DGKB: variants seen among roughly 807,000 people sequenced by gnomAD.
DGKB encodes diacylglycerol kinase beta.
In DGKB, 67 loss-of-function variants were observed where a neutral mutation model predicts 114.3. That is an observed-to-expected ratio of 0.59 (90% CI 0.48 to 0.72). The LOEUF (loss-of-function observed/expected upper bound fraction) is 0.72. DGKB is among the 30% of genes least tolerant of loss of function. DGKB has a pLI of 0.00. For synonymous variants in DGKB, 398 were observed against 323.1 expected (o/e 1.23, Z -2.49); for missense variants, 907 against 975.2 (o/e 0.93, Z 0.93).
intron 5 of DGKB, among the ~76,000 whole-genome samples, chr7:14,735,816 T>C (rs10253369): frequency 0.089 from 13,612 of 152,246 alleles, 786 homozygotes; most frequent in East Asian, 0.24. Flanking sequence ...TACCTATACA[T>C]AGAATTCTAA....
intron 23 of DGKB, among the ~76,000 whole-genome samples, chr7:14,215,481 G>T (rs2128314071): frequency 6.6e-6 from 1 of 152,184 alleles, no homozygotes. Flanking sequence ...TCATGTAGAT[G>T]TATTCCAAAT....
At chr7:14,302,067 G>A (rs1262589871) in intron 23 of DGKB, among the ~76,000 whole-genome samples, 1 of 151,968 alleles carries the variant, frequency 6.6e-6, no homozygotes, top group African/African-American at 2.4e-5. Flanking sequence ...CAAAGCCAAA[G>A]CCAACAAAAA....
At chr7:14,937,238 G>T (rs2128253085) in intron 1 of DGKB, among the ~76,000 whole-genome samples, 1 of 151,738 alleles carries the variant, frequency 6.6e-6, no homozygotes, top group South Asian at 2.1e-4. Flanking sequence ...TCTAAATATA[G>T]GTTGGTTTTT....
At chr7:14,847,954 T>C (rs1848861777) in intron 1 of DGKB, among the ~76,000 whole-genome samples, 1 of 152,184 alleles carries the variant, frequency 6.6e-6, no homozygotes, top group Admixed American at 6.5e-5. Flanking sequence ...ATGATTAGAC[T>C]GGAAAAATTA....
In DGKB at chr7:14,891,401, AG is replaced by A. The variant is rs1307633046; in HGVS notation, c.-188+11190del. 2.0e-5 allele frequency among the ~76,000 whole-genome samples: 3 copies of A among 151,564 alleles called. No homozygotes were observed. The East Asian group carries it at 5.8e-4, about 29-fold the overall frequency. On this transcript the variant is annotated intron_variant, in intron 1 of 25. Coordinates refer to ENST00000402815, the MANE Select transcript of DGKB (RefSeq NM_001350709.2). ...GCTTTTTAGGTACCTGTTTTATGCC[AG>A]GCAATGTTCAAACCACTGGAAAAAA...
chr7:14,270,774 G>C (rs532566801), intron 23 of DGKB, among the ~76,000 whole-genome samples: 1 of 152,180 alleles, frequency 6.6e-6, no homozygotes, highest in Admixed American at 6.5e-5. Context: ...CCCTGTGCTG[G>C]AATTTGCGGG....
intron 25 of DGKB, chr7:14,176,613 A>T: frequency 7.9e-7 from 1 of 1,259,902 alleles, no homozygotes; most frequent in Non-Finnish European, 1.0e-6. Context: ...AGATCTATTT[A>T]TACTTAGGCT....
chr7:14,844,955 A>C (rs1468044588), intron 1 of DGKB, among the ~76,000 whole-genome samples: 1 of 151,648 alleles, frequency 6.6e-6, no homozygotes, highest in African/African-American at 2.4e-5. Context: ...AAAAATACAA[A>C]AATTAGCTGG....
At chr7:14,302,645 T>C (rs1803755146) in intron 23 of DGKB, among the ~76,000 whole-genome samples, 1 of 152,098 alleles carries the variant, frequency 6.6e-6, no homozygotes, top group African/African-American at 2.4e-5. Flanking sequence ...TTTATTGACT[T>C]GATCCATAAT....
At chr7:14,908,460 G>C (rs1783823709) in intron 1 of DGKB, among the ~76,000 whole-genome samples, 1 of 152,102 alleles carries the variant, frequency 6.6e-6, no homozygotes, top group Non-Finnish European at 1.5e-5. Context: ...TGTCAGTTTT[G>C]AAAGAGAACA....
chr7:14,453,055 T>G (rs1831760428), intron 21 of DGKB, among the ~76,000 whole-genome samples: 1 of 152,198 alleles, frequency 6.6e-6, no homozygotes, highest in Non-Finnish European at 1.5e-5. Flanking sequence ...AGCAATGGCT[T>G]ACACATATAG....
At chr7:14,870,638 A>G (rs996908619) in intron 1 of DGKB, among the ~76,000 whole-genome samples, 1 of 152,098 alleles carries the variant, frequency 6.6e-6, no homozygotes, top group Non-Finnish European at 1.5e-5. Context: ...TCTACTAAAA[A>G]TACAAAAACA....
intron 3 of DGKB, among the ~76,000 whole-genome samples, chr7:14,755,752 T>C (rs963957641): frequency 1.3e-5 from 2 of 152,104 alleles, no homozygotes; most frequent in African/African-American, 4.8e-5. Flanking sequence ...AGAAGATACA[T>C]ACTAGTTTTT....
intron 20 of DGKB, among the ~76,000 whole-genome samples, chr7:14,522,817 A>T (rs1790002191): frequency 1.3e-5 from 2 of 152,162 alleles, no homozygotes; most frequent in South Asian, 4.1e-4. Context: ...CCTTCCATTG[A>T]CTTTCGACTG....
chr7:14,601,632 C>T (rs1162404718), intron 17 of DGKB, among the ~76,000 whole-genome samples: 3 of 152,106 alleles, frequency 2.0e-5, no homozygotes, highest in Admixed American at 2.0e-4. Flanking sequence ...GAAGCCATGC[C>T]ACACCCTCAA....
rs1824924734 is a variant in DGKB at position 14,411,798 on chromosome 7, AAGAAAG to A, written c.1835+66357_1835+66362del. On this transcript the variant is annotated intron_variant, in intron 21 of 25. Coordinates refer to ENST00000402815, the MANE Select transcript of DGKB (RefSeq NM_001350709.2). The stretch of plus-strand genomic sequence containing the variant: ...TTTTCTGGAAATAATTATAGATACA[AAGAAAG>A]CTCTGTATACAAAGATGTTAACCAA... Among the ~76,000 whole-genome samples, 2 of 151,354 alleles carry A rather than the reference AAGAAAG, an allele frequency of 1.3e-5. 1 individual carries two copies.
intron 23 of DGKB, among the ~76,000 whole-genome samples, chr7:14,337,893 C>T (rs1007216852): frequency 6.6e-6 from 1 of 152,094 alleles, no homozygotes; most frequent in Non-Finnish European, 1.5e-5. Context: ...CCAATGAGAA[C>T]TATATTACAA....
chr7:14,846,121 T>G (rs1193681578), intron 1 of DGKB, among the ~76,000 whole-genome samples: 1 of 152,198 alleles, frequency 6.6e-6, no homozygotes, highest in East Asian at 1.9e-4. Flanking sequence ...AAGGACAGCT[T>G]CTCTGGATTG....
At chr7:14,664,253 A>T (rs1275982383) in intron 13 of DGKB, among the ~76,000 whole-genome samples, 1 of 152,020 alleles carries the variant, frequency 6.6e-6, no homozygotes, top group East Asian at 1.9e-4. Flanking sequence ...AATCACATCA[A>T]ATCCTAATGT....
Sources: gnomAD v4.1 joint callset for allele counts (sites outside exome capture counted in the v4.1 genomes callset) on GRCh38, gnomAD v4.1.1 for gene constraint, MANE v1.5 for transcripts, NCBI Gene and HGNC (gene_info 2026-07-23, HGNC 2026-07-21) for gene names.